ZNF529: variants seen among roughly 807,000 people sequenced by gnomAD.
ZNF529 encodes the protein zinc finger protein 529.
A neutral mutation model predicts 10.1 loss-of-function variants in ZNF529; 11 were observed. That is an observed-to-expected ratio of 1.09 (90% CI 0.69 to 1.81). The LOEUF (loss-of-function observed/expected upper bound fraction) is 1.81. Among genes scored for constraint, ZNF529 ranks in the 40% most tolerant of loss-of-function variants. The pLI, the probability that ZNF529 is intolerant of heterozygous loss-of-function variation, is 0.00. For missense variants in ZNF529, 624 were observed against 666.8 expected (o/e 0.94, Z 0.71); for synonymous variants, 204 against 215.7 (o/e 0.95, Z 0.47).
chr19:36,590,140 G>A (rs563387970), intron 1 of ZNF529, among the ~76,000 whole-genome samples: 7 of 152,286 alleles, frequency 4.6e-5, no homozygotes, highest in Admixed American at 2.6e-4. Flanking sequence ...AGGCCAAGGC[G>A]GGTGGATCGC....
intron 1 of ZNF529, among the ~76,000 whole-genome samples, chr19:36,597,459 C>T (rs1442427833): frequency 6.6e-6 from 1 of 152,164 alleles, no homozygotes; most frequent in South Asian, 2.1e-4. Flanking sequence ...AATTCTCATG[C>T]AGTGCTTCTG....
rs755968227 is a variant in ZNF529 at position 36,547,172 on chromosome 19, C to A, written c.1386G>T (p.Thr462=). Residue 462 remains threonine, a synonymous_variant, in exon 5 of 5, where the codon ACG becomes ACT. Transcript: ENST00000591340. ...TTCTTTGATGTTGAATAAGGGCTGA[C>A]GTAAGTCTAAAGAACTTTCCACACT... ...CKECGKFFRL[T]SALIQHQRIH... The A allele has an allele frequency of 6.2e-7, 1 of 1,611,754 alleles. No individual in the cohort carries two copies. The highest frequency in any genetic ancestry group is 2.2e-5 in the East Asian group (1 of 44,674).
chr19:36,562,471 AG>A (rs1189308027), intron 2 of ZNF529, among the ~76,000 whole-genome samples: 2 of 148,780 alleles, frequency 1.3e-5, no homozygotes, highest in African/African-American at 2.6e-5. Context: ...ACATGAATAT[AG>A]GGGGGGTCCA....
upstream of ZNF529, chr19:36,574,692 GT>G (rs1568606887): frequency 2.6e-6 from 1 of 383,572 alleles, no homozygotes; most frequent in African/African-American, 2.1e-5. Flanking sequence ...TTCTCCTTTA[GT>G]TTACCCTAAT....
chr19:36,571,598 C>T (rs1568602140), intron 2 of ZNF529, among the ~76,000 whole-genome samples: 1 of 151,214 alleles, frequency 6.6e-6, no homozygotes, highest in Non-Finnish European at 1.5e-5. Flanking sequence ...TCACTTGAAC[C>T]TGGGAGGCAG....
chr19:36,548,093 A>G lies in ZNF529; in HGVS notation c.465T>C (p.His155=). The change falls in exon 5 of 5, where the codon CAT becomes CAC. Residue 155 remains histidine, a synonymous_variant. Coordinates refer to ENST00000591340, the MANE Select transcript of ZNF529 (RefSeq NM_020951.5). Reference sequence around the variant, plus strand: ...TTCTCCGAGGTAAAGTAAGAGATTCATGAGTTTTGTAACTGGGCACATTTT... The same window carrying G: ...TTCTCCGAGGTAAAGTAAGAGATTCGTGAGTTTTGTAACTGGGCACATTTT... ...ISENVPSYKT[H]ESLTLPRRTH... 6.2e-7 allele frequency: 1 copy of G among 1,613,932 alleles called. No homozygotes were observed. The highest frequency in any genetic ancestry group is 1.1e-5 in the South Asian group (1 of 91,080).
At chr19:36,557,547 T>C (rs1387348222) in intron 2 of ZNF529, among the ~76,000 whole-genome samples, 2 of 152,126 alleles carry the variant, frequency 1.3e-5, no homozygotes, top group East Asian at 1.9e-4. Context: ...AAGAACAGTA[T>C]GGGGGAAACC....
chr19:36,574,546 T>C (rs1038459972), upstream of ZNF529, among the ~76,000 whole-genome samples: 1 of 151,740 alleles, frequency 6.6e-6, no homozygotes, highest in Non-Finnish European at 1.5e-5. Context: ...GGTCTGGGTG[T>C]GCTTAGGATT....
chr19:36,556,068 G>A, intron 3 of ZNF529, 36 bp downstream of exon 3: 1 of 1,546,374 alleles, frequency 6.5e-7, no homozygotes, highest in Non-Finnish European at 8.7e-7. Flanking sequence ...TCAGAAAAAG[G>A]AAATATCACA....
At chr19:36,575,166 A>G (rs554415753), upstream of ZNF529, among the ~76,000 whole-genome samples, 15 of 152,364 alleles carry the variant, frequency 9.8e-5, no homozygotes, top group East Asian at 2.5e-3. Context: ...TGTACATTCC[A>G]TGATAACTGA....
rs552807115 is a variant in ZNF529, at chr19:36,547,634, T to G, written c.924A>C (p.Lys308Asn). The change falls in exon 5 of 5, where the codon AAA becomes AAC. Residue 308 changes from lysine to asparagine, a missense_variant. Transcript: ENST00000591340. ...TGCCACATTCCATACATTTGTAAGT[T>G]TTCTCATCAGTATGGATTTTCTGAT... ...TRHQKIHTDE[K>N]TYKCMECGKD... 3.7e-6 allele frequency: 6 copies of G among 1,613,742 alleles called. No individual in the cohort carries two copies. Among genetic ancestry groups the G allele is most frequent in the Non-Finnish European group, 5.1e-6 (6 of 1,179,732 alleles).
rs2036621921 is a variant in ZNF529 at position 36,588,137 on chromosome 19, G to A, written c.-41+1478C>T. 2.0e-5 allele frequency among the ~76,000 whole-genome samples: 3 copies of A among 152,090 alleles called. No individual in the cohort carries two copies. In the South Asian group the frequency reaches 6.2e-4, roughly 32 times the overall value. ...CAGTCCAGCCTGGGTGAAAGAGCAA[G>A]ACTCTCTCAAAATAAAATAAAATTG... On this transcript the variant is annotated intron_variant, in intron 2 of 4. Coordinates refer to the ZNF529 transcript ENST00000585960.
chr19:36,565,128 A>G (rs2035848318), intron 2 of ZNF529, among the ~76,000 whole-genome samples: 1 of 152,214 alleles, frequency 6.6e-6, no homozygotes. Flanking sequence ...TTGAAAAACT[A>G]TTGGGTACTA....
At chr19:36,569,937 C>A (rs1169218900) in intron 2 of ZNF529, among the ~76,000 whole-genome samples, 1 of 152,136 alleles carries the variant, frequency 6.6e-6, no homozygotes, top group African/African-American at 2.4e-5. Flanking sequence ...CTTAGCCATG[C>A]CAGATGGCTT....
At position 36,544,222 on chromosome 19, in the gene ZNF529, T is replaced by TA. The variant is rs1179863605; in HGVS notation, c.*2643dup. Reference sequence around the variant, plus strand: ...ATAATAATTATATTATGGTTTCGAGTAAGTGTGAAATGCCATAAGTTCATT... The same window carrying TA: ...ATAATAATTATATTATGGTTTCGAGTAAAGTGTGAAATGCCATAAGTTCATT... On this transcript the variant is annotated 3_prime_UTR_variant, in exon 5 of 5. Coordinates refer to ENST00000591340, the MANE Select transcript of ZNF529 (RefSeq NM_020951.5). 2 of 152,050 alleles carry TA rather than the reference T, an allele frequency of 1.3e-5. No homozygotes were observed. The highest frequency in any genetic ancestry group is 3.9e-4 in the East Asian group (2 of 5,182). 9.4% of individuals were successfully genotyped at this position (152,050 alleles called of 1,614,324 possible).
At position 36,544,398 on chromosome 19, in the gene ZNF529, C is replaced by T. The variant is rs1030831062; in HGVS notation, c.*2468G>A. 3.9e-5 allele frequency: 6 copies of T among 152,068 alleles called. No individual in the cohort carries two copies. Among genetic ancestry groups the T allele is most frequent in the African/African-American group, 1.4e-4 (6 of 41,426 alleles). The allele number at this position is 152,068 out of a possible 1,614,324, so 9.4% of individuals were successfully genotyped here. ...CAAGACACAAGGATATTTTGTTTCT[C>T]TCACTAATTTTAATGTCTGTATACA... On this transcript the variant is annotated 3_prime_UTR_variant, in exon 5 of 5. Coordinates refer to ENST00000591340, the MANE Select transcript of ZNF529 (RefSeq NM_020951.5).
chr19:36,603,390 G>A (rs1012708839), intron 1 of ZNF529, among the ~76,000 whole-genome samples: 1 of 152,154 alleles, frequency 6.6e-6, no homozygotes, highest in Admixed American at 6.5e-5. Context: ...AATGTCATCA[G>A]TAACTGGGAA....
intron 2 of ZNF529, among the ~76,000 whole-genome samples, chr19:36,556,496 C>T (rs1272641144): frequency 6.6e-6 from 1 of 152,192 alleles, no homozygotes; most frequent in African/African-American, 2.4e-5. Context: ...TCACTTTTCA[C>T]TCTGCCCCAG....
chr19:36,550,712 T>A lies in ZNF529; in HGVS notation c.236-2390A>T, dbSNP rs184680434. ...AAGTAAAAACTTAAATGCTTTTTTT[T>A]AAAAAAGTAAAAATAACCAATGTAT... is the stretch of plus-strand genomic sequence containing the variant. On this transcript the variant is annotated intron_variant, in intron 4 of 4. Coordinates refer to ENST00000591340, the MANE Select transcript of ZNF529 (RefSeq NM_020951.5). Among the ~76,000 whole-genome samples the A allele has an allele frequency of 3.5e-4, 54 of 152,240 alleles. 2 individuals are homozygous for A. The East Asian group carries it at 8.5e-3, about 24-fold the overall frequency.
Sources: gnomAD v4.1 joint callset for allele counts (sites outside exome capture counted in the v4.1 genomes callset) on GRCh38, gnomAD v4.1.1 for gene constraint, MANE v1.5 for transcripts, NCBI Gene and HGNC (gene_info 2026-07-23, HGNC 2026-07-21) for gene names.